The following RBM33 variants were observed in gnomAD, a reference collection of about 807,000 sequenced individuals.
The protein encoded by RBM33 is RNA binding motif protein 33, also known as RNA-binding protein 33.
In RBM33, 28 loss-of-function variants were observed where a neutral mutation model predicts 132.6. That is an observed-to-expected ratio of 0.21 (90% CI 0.16 to 0.29). RBM33 has a LOEUF of 0.29. Among genes scored for constraint, RBM33 ranks in the 10% least tolerant of loss-of-function variants. The pLI, the probability that RBM33 is intolerant of heterozygous loss-of-function variation, is 1.00. For missense variants in RBM33, 1,291 were observed against 1,518.5 expected, an observed-to-expected ratio of 0.85 and a Z score of 2.49; for synonymous variants, 634 against 593.0, an observed-to-expected ratio of 1.07 and a Z score of -1.01.
intron 1 of RBM33, among the ~76,000 whole-genome samples, chr7:155,652,234 G>C (rs951743323): frequency 1.1e-4 from 16 of 152,216 alleles, no homozygotes; most frequent in African/African-American, 3.9e-4. Context: ...TTTCTGTAAA[G>C]GGTCAGATAG....
chr7:155,763,921 G>T lies in RBM33; in HGVS notation c.3089G>T (p.Gly1030Val), dbSNP rs746080703. 8.7e-6 allele frequency: 14 copies of T among 1,604,894 alleles called. No homozygotes were observed. In the Admixed American group the frequency reaches 1.4e-4, roughly 16 times the overall value. ...CGCAAGGTGACGCTGACCAGGGGGG[G>T]CCTCCAGCAGCCCCCACATCTGCCA... Reference protein sequence around the residue: ...PARKVTLTRGGLQQPPHLPAG... With the variant: ...PARKVTLTRGVLQQPPHLPAG... Residue 1030 changes from glycine (G) to valine (V), a missense_variant, in exon 15 of 18, where the codon GGC becomes GTC. By Grantham distance (109) the Gly-to-Val change is moderately radical. This residue lies in a region of RBM33 where 841 missense variants were observed against 912.0 expected (regional missense o/e 0.92). Transcript: ENST00000401878.
intron 11 of RBM33, chr7:155,738,893 C>A (rs763560625): frequency 5.6e-5 from 9 of 159,578 alleles, no homozygotes; most frequent in Non-Finnish European, 1.1e-4. Context: ...TATTTGAAGG[C>A]CTTGAGTGCC....
chr7:155,651,445 C>T (rs1798350245), intron 1 of RBM33, among the ~76,000 whole-genome samples: 1 of 151,852 alleles, frequency 6.6e-6, no homozygotes, highest in African/African-American at 2.4e-5. Context: ...ACATTTTCTC[C>T]TCTTTGTTTG....
chr7:155,755,212 A>G (rs1801810902), intron 14 of RBM33, among the ~76,000 whole-genome samples: 2 of 152,226 alleles, frequency 1.3e-5, no homozygotes, highest in Admixed American at 1.3e-4. Context: ...TAAGATCAGC[A>G]ACATTGGCGG....
intron 5 of RBM33, among the ~76,000 whole-genome samples, chr7:155,698,061 T>C (rs927133446): frequency 6.6e-6 from 1 of 152,178 alleles, no homozygotes; most frequent in African/African-American, 2.4e-5. Flanking sequence ...GCATGCTAGG[T>C]AATATTTGTT....
At chr7:155,728,989 A>G (rs963269489) in intron 9 of RBM33, among the ~76,000 whole-genome samples, 1 of 152,266 alleles carries the variant, frequency 6.6e-6, no homozygotes, top group African/African-American at 2.4e-5. Context: ...TCATACTGCT[A>G]TAAAGAATAC....
rs532359825 is a variant in RBM33, at chr7:155,742,131, A to G, written c.2337+25A>G. 5.1e-6 allele frequency: 8 copies of G among 1,578,818 alleles called. No homozygotes were observed. The East Asian group carries it at 1.6e-4, about 31-fold the overall frequency. ...GGTAGGACACTGCTCTTATTAACAA[A>G]TGTTGGTCTCAAACAAGAAGCCTTA... On this transcript the variant is annotated intron_variant, in intron 13 of 17. Transcript: ENST00000401878.
At chr7:155,650,103 C>T (rs898726132) in intron 1 of RBM33, among the ~76,000 whole-genome samples, 5 of 152,220 alleles carry the variant, frequency 3.3e-5, no homozygotes, top group Non-Finnish European at 5.9e-5. Flanking sequence ...TAACCCTGGC[C>T]ATCATCCCTT....
At chr7:155,762,308 G>T (rs895268677) in intron 14 of RBM33, among the ~76,000 whole-genome samples, 1 of 152,226 alleles carries the variant, frequency 6.6e-6, no homozygotes, top group Non-Finnish European at 1.5e-5. Context: ...CCCTCTGAGG[G>T]TGCTGTATGG....
At chr7:155,704,314 A>G (rs1249675014) in intron 6 of RBM33, among the ~76,000 whole-genome samples, 2 of 152,144 alleles carry the variant, frequency 1.3e-5, no homozygotes, top group African/African-American at 2.4e-5. Flanking sequence ...ACCTTACAGA[A>G]AAAGATTTGA....
intron 1 of RBM33, among the ~76,000 whole-genome samples, chr7:155,659,023 G>A (rs989914814): frequency 3.9e-5 from 6 of 152,166 alleles, no homozygotes; most frequent in African/African-American, 1.4e-4. Context: ...ACAGACTTCA[G>A]TGACCACACT....
At chr7:155,659,761 T>C (rs1331674032) in intron 1 of RBM33, among the ~76,000 whole-genome samples, 1 of 152,184 alleles carries the variant, frequency 6.6e-6, no homozygotes, top group Non-Finnish European at 1.5e-5. Context: ...ACACTGGATA[T>C]ATTAAAACAA....
At chr7:155,668,865 A>G (rs114603347) in intron 2 of RBM33, among the ~76,000 whole-genome samples, 1 of 152,072 alleles carries the variant, frequency 6.6e-6, no homozygotes, top group African/African-American at 2.4e-5. Flanking sequence ...ATATTTGTTC[A>G]ACTGGAATTT....
chr7:155,665,182 C>A lies in RBM33; in HGVS notation c.51C>A (p.Asp17Glu). ...AATGGACTGTTCTCATAGATGATGA[C>A]TTTGACCAGTTTGATAAGCCTGGCG... is the stretch of plus-strand genomic sequence containing the variant. ...ASGGAGAGDD[D>E]FDQFDKPGAE... The change falls in exon 2 of 18, where the codon GAC becomes GAA. Residue 17 changes from aspartate (D) to glutamate (E), a missense_variant. Physicochemically the swap from Asp to Glu is conservative, Grantham distance 45 (BLOSUM62 2). Transcript: ENST00000401878. 1 of 1,613,756 alleles carries A rather than the reference C, an allele frequency of 6.2e-7. No individual in the cohort carries two copies. Among genetic ancestry groups the A allele is most frequent in the African/African-American group, 1.3e-5 (1 of 75,042 alleles).
At chr7:155,747,214 A>C (rs1033912173) in intron 14 of RBM33, among the ~76,000 whole-genome samples, 1 of 152,234 alleles carries the variant, frequency 6.6e-6, no homozygotes, top group Non-Finnish European at 1.5e-5. Context: ...AATTGTTTTC[A>C]TATTATATGA....
At chr7:155,749,731 C>T (rs1801634725) in intron 14 of RBM33, among the ~76,000 whole-genome samples, 1 of 152,174 alleles carries the variant, frequency 6.6e-6, no homozygotes, top group African/African-American at 2.4e-5. Flanking sequence ...GTAGCCTCAG[C>T]TTTGAATATA....
At chr7:155,773,427 G>A (rs560339230) in intron 16 of RBM33, among the ~76,000 whole-genome samples, 1 of 151,984 alleles carries the variant, frequency 6.6e-6, no homozygotes, top group Admixed American at 6.6e-5. Flanking sequence ...ATTAGCTAGG[G>A]CGTGGTGATG....
rs1802796021 is a variant in RBM33, at chr7:155,780,785, C to T, written c.*5744C>T. Reference sequence around the variant, plus strand: ...CGATTTTCACACTGTGTTTACCACTCCATCACCTCTCAACCTTTGCTTCGA... The same window carrying T: ...CGATTTTCACACTGTGTTTACCACTTCATCACCTCTCAACCTTTGCTTCGA... On this transcript the variant is annotated 3_prime_UTR_variant, in exon 18 of 18. Coordinates refer to ENST00000401878, the MANE Select transcript of RBM33 (RefSeq NM_053043.3). 1 of 152,464 alleles carries T rather than the reference C, an allele frequency of 6.6e-6. No individual in the cohort carries two copies. Among genetic ancestry groups the T allele is most frequent in the South Asian group, 2.1e-4 (1 of 4,828 alleles). 9.4% of individuals were successfully genotyped at this position (152,464 alleles called of 1,614,324 possible).
chr7:155,726,902 T>C (rs1800809189), intron 9 of RBM33, among the ~76,000 whole-genome samples: 1 of 152,226 alleles, frequency 6.6e-6, no homozygotes, highest in Admixed American at 6.5e-5. Flanking sequence ...GTGATGTAAC[T>C]TTAGTTAATT....
Sources: allele counts gnomAD v4.1 joint callset (sites outside exome capture counted in the v4.1 genomes callset), GRCh38; gene constraint gnomAD v4.1.1; regional missense constraint gnomAD v4.1.1; transcripts MANE v1.5; gene names NCBI Gene and HGNC (gene_info 2026-07-23, HGNC 2026-07-21).